PCSK5: variants seen among roughly 807,000 people sequenced by gnomAD.
PCSK5 encodes proprotein convertase subtilisin/kexin type 5.
Under a neutral mutation model 233.2 loss-of-function variants are expected in PCSK5, and 129 were observed. The ratio of observed to expected loss-of-function variants is 0.55; its 90% CI spans 0.48 to 0.64. The LOEUF (loss-of-function observed/expected upper bound fraction) is 0.64, where lower values mean the gene tolerates loss of function less well. Among genes scored for constraint, PCSK5 ranks in the 30% least tolerant of loss-of-function variants. The probability of loss-of-function intolerance (pLI) is 0.00; values close to 1 mark genes in which losing one functional copy is unlikely to be tolerated. For missense variants in PCSK5, 2,076 were observed against 2,430.1 expected (o/e 0.85, Z 3.06); for synonymous variants, 825 against 879.2 (o/e 0.94, Z 1.09).
intron 9 of PCSK5, among the ~76,000 whole-genome samples, chr9:76,108,675 C>T (rs1325226709): frequency 6.6e-6 from 1 of 152,196 alleles, no homozygotes; most frequent in Non-Finnish European, 1.5e-5. Context: ...ATCGCTTGCA[C>T]CCAGTAGGCG....
intron 9 of PCSK5, among the ~76,000 whole-genome samples, chr9:76,131,875 G>A (rs1235335283): frequency 6.6e-6 from 1 of 152,036 alleles, no homozygotes; most frequent in East Asian, 1.9e-4. Context: ...AAAGTTCTGT[G>A]TGTCAAATGT....
chr9:76,183,650 G>A (rs1443532925), intron 16 of PCSK5, among the ~76,000 whole-genome samples: 1 of 152,310 alleles, frequency 6.6e-6, no homozygotes, highest in East Asian at 1.9e-4. Flanking sequence ...GAGAGAGACC[G>A]TATGATGACT....
At chr9:76,093,455 A>G (rs1374381744) in intron 7 of PCSK5, among the ~76,000 whole-genome samples, 1 of 152,062 alleles carries the variant, frequency 6.6e-6, no homozygotes, top group Admixed American at 6.6e-5. Flanking sequence ...GTTTGTAACT[A>G]CATTATCACA....
intron 20 of PCSK5, 131 bp downstream of exon 20, chr9:76,189,877 C>T: frequency 1.7e-6 from 1 of 575,826 alleles, no homozygotes; most frequent in Non-Finnish European, 3.1e-6. Context: ...ATTTTGGTGG[C>T]ATTCATTCAT....
At chr9:76,102,233 G>A (rs1424526723) in intron 8 of PCSK5, among the ~76,000 whole-genome samples, 2 of 151,932 alleles carry the variant, frequency 1.3e-5, no homozygotes, top group African/African-American at 2.4e-5. Context: ...TAGCACTGAC[G>A]AGCCCTTTTG....
chr9:75,908,923 CTCTCTA>C lies in PCSK5; in HGVS notation c.192+17556_192+17561del, dbSNP rs1365698631. Among the ~76,000 whole-genome samples the C allele has an allele frequency of 2.4e-3, 272 of 111,158 alleles. 1 individual carries two copies. The highest frequency in any genetic ancestry group is 8.5e-3 in the Middle Eastern group (2 of 234). 72.9% of individuals were successfully genotyped at this position (111,158 alleles called of 152,430 possible). On this transcript the variant is annotated intron_variant, in intron 1 of 37. Coordinates refer to ENST00000674117, the MANE Select transcript of PCSK5 (RefSeq NM_001372043.1). ...TCTATCTATCTATCTATCTATCTAT[CTCTCTA>C]TCTCTCTCTCTGTCTATCTATCTAT... is the stretch of plus-strand genomic sequence containing the variant.
chr9:75,967,220 G>A (rs1191870189), intron 2 of PCSK5, among the ~76,000 whole-genome samples: 1 of 152,152 alleles, frequency 6.6e-6, no homozygotes, highest in African/African-American at 2.4e-5. Flanking sequence ...CATTATCCAG[G>A]TAGTGAGCAT....
intron 12 of PCSK5, among the ~76,000 whole-genome samples, chr9:76,169,227 C>T (rs1156690337): frequency 1.3e-5 from 2 of 152,098 alleles, no homozygotes; most frequent in Admixed American, 6.5e-5. Flanking sequence ...TGAAGTTTTT[C>T]GTGTGAACAT....
At chr9:76,170,124 C>G (rs1408215302) in intron 13 of PCSK5, among the ~76,000 whole-genome samples, 2 of 152,206 alleles carry the variant, frequency 1.3e-5, no homozygotes, top group Admixed American at 6.5e-5. Flanking sequence ...GCTTCCCAGA[C>G]TTTCTATGTC....
chr9:76,313,361 A>T lies in PCSK5; in HGVS notation c.3884+2510A>T, dbSNP rs969972517. 2.0e-5 allele frequency among the ~76,000 whole-genome samples: 3 copies of T among 152,350 alleles called. No homozygotes were observed. In the East Asian group the frequency reaches 5.8e-4, roughly 29 times the overall value. On this transcript the variant is annotated intron_variant, in intron 30 of 37. Coordinates refer to ENST00000674117, the MANE Select transcript of PCSK5 (RefSeq NM_001372043.1). ...AGTATATTCACAGAGTTATGCAACC[A>T]TTACCACAATCAATTTCAGAACATT... is the stretch of plus-strand genomic sequence containing the variant.
chr9:75,897,426 T>C (rs1356074850), intron 1 of PCSK5, among the ~76,000 whole-genome samples: 1 of 151,746 alleles, frequency 6.6e-6, no homozygotes, highest in Non-Finnish European at 1.5e-5. Context: ...TCCCATCTCC[T>C]GTTGGACAGC....
At chr9:76,323,932 A>ATTTTTTTTTTTTTTTTTT (rs60451634) in intron 32 of PCSK5, among the ~76,000 whole-genome samples, 1 of 139,406 alleles carries the variant, frequency 7.2e-6, no homozygotes, top group Non-Finnish European at 1.5e-5. Context: ...TTCCTGGGTG[A>ATTTTTTTTTTTTTTTTTT]TTTTTTTTTT....
At chr9:76,311,792 T>C (rs1828872014) in intron 30 of PCSK5, among the ~76,000 whole-genome samples, 1 of 152,190 alleles carries the variant, frequency 6.6e-6, no homozygotes, top group Admixed American at 6.5e-5. Context: ...TCTGTTTCGC[T>C]CTTGTACCTT....
rs1345944145 is a variant in PCSK5 at position 76,047,955 on chromosome 9, A to AG, written c.633-19999dup. On this transcript the variant is annotated intron_variant, in intron 5 of 37. Coordinates refer to ENST00000674117, the MANE Select transcript of PCSK5 (RefSeq NM_001372043.1). ...TTTTAGTAGGGTCATAAACAGACTC[A>AG]GTTTATAAAAATCTTTATCGGTTTT... Among the ~76,000 whole-genome samples the AG allele has an allele frequency of 5.3e-5, 8 of 152,188 alleles. No individual in the cohort carries two copies. In the East Asian group the frequency reaches 1.5e-3, roughly 29 times the overall value.
chr9:75,962,269 G>A (rs374929270), intron 2 of PCSK5, among the ~76,000 whole-genome samples: 4 of 152,260 alleles, frequency 2.6e-5, no homozygotes, highest in East Asian at 1.9e-4. Context: ...TGGATATGTC[G>A]TTCTTCCTTT....
chr9:76,286,971 C>G, intron 24 of PCSK5: 3 of 225,074 alleles, frequency 1.3e-5, no homozygotes, highest in Non-Finnish European at 2.6e-5. Context: ...ACCGCTGTCT[C>G]TGCACAACAG....
intron 7 of PCSK5, among the ~76,000 whole-genome samples, chr9:76,093,019 AT>A (rs1204741731): frequency 6.8e-6 from 1 of 147,032 alleles, no homozygotes; most frequent in African/African-American, 2.5e-5. Context: ...TTTTCACTTT[AT>A]GGTATGCATG....
chr9:75,899,644 A>G (rs1417808911), intron 1 of PCSK5, among the ~76,000 whole-genome samples: 1 of 152,198 alleles, frequency 6.6e-6, no homozygotes, highest in Non-Finnish European at 1.5e-5. Flanking sequence ...TTTTTGTTAG[A>G]AGATAGAAGG....
intron 2 of PCSK5, among the ~76,000 whole-genome samples, chr9:75,975,857 A>T (rs1248194087): frequency 6.6e-6 from 1 of 152,202 alleles, no homozygotes; most frequent in Non-Finnish European, 1.5e-5. Flanking sequence ...CAAAAGACAA[A>T]TAAATGTAGA....
Sources: gnomAD v4.1 joint callset for allele counts (sites outside exome capture counted in the v4.1 genomes callset) on GRCh38, gnomAD v4.1.1 for gene constraint, MANE v1.5 for transcripts, NCBI Gene and HGNC (gene_info 2026-07-23, HGNC 2026-07-21) for gene names.